Variants in DOCK2 observed in about 807,000 individuals in gnomAD.
DOCK2 encodes the protein dedicator of cytokinesis protein 2.
Under a neutral mutation model 248.9 loss-of-function variants are expected in DOCK2, and 87 were observed. The ratio of observed to expected loss-of-function variants is 0.35; its 90% confidence interval spans 0.29 to 0.42. The LOEUF is 0.42. Among genes scored for constraint, DOCK2 ranks in the 10% least tolerant of loss-of-function variants. The probability of loss-of-function intolerance (pLI) is 1.00; values close to 1 mark genes in which losing one functional copy is unlikely to be tolerated. For missense variants in DOCK2, 1,747 were observed against 2,300.2 expected (o/e 0.76, Z 4.92); for synonymous variants, 805 against 821.6 (o/e 0.98, Z 0.35).
intron 6 of DOCK2, among the ~76,000 whole-genome samples, chr5:169,680,153 A>T (rs28742987): frequency 6.6e-6 from 1 of 152,126 alleles, no homozygotes; most frequent in African/African-American, 2.4e-5. Flanking sequence ...GTGGACAAAG[A>T]TGTATTCTTA....
chr5:170,077,773 T>C lies in DOCK2; in HGVS notation c.4930T>C (p.Ser1644Pro). Residue 1644 changes from serine to proline, a missense_variant, in exon 48 of 52, where the codon TCC becomes CCC. Around this residue, in one of 4 missense-constraint regions of DOCK2, gnomAD observed 513 missense variants for 586.1 expected, o/e 0.88. Coordinates refer to ENST00000520908, the MANE Select transcript of DOCK2 (RefSeq NM_004946.3). ...RSMLRSYRQM[S>P]IISLASMNSD... ...TATGCTGCGCTCATACAGACAGATGTCCATCATCTCTCTGGCTTCCATGAA... is the reference window on the plus strand; with the variant it reads ...TATGCTGCGCTCATACAGACAGATGCCCATCATCTCTCTGGCTTCCATGAA... The C allele has an allele frequency of 1.9e-6, 3 of 1,613,800 alleles. No homozygotes were observed. The East Asian group carries it at 6.7e-5, about 36-fold the overall frequency.
intron 27 of DOCK2, among the ~76,000 whole-genome samples, chr5:169,870,337 A>C (rs1053584904): frequency 6.6e-6 from 1 of 152,182 alleles, no homozygotes; most frequent in Non-Finnish European, 1.5e-5. Context: ...TGGAAGCAGC[A>C]AGAGCCCCAA....
At chr5:170,030,690 G>C (rs1369294068) in intron 34 of DOCK2, among the ~76,000 whole-genome samples, 1 of 152,204 alleles carries the variant, frequency 6.6e-6, no homozygotes, top group Non-Finnish European at 1.5e-5. Context: ...TTTTCACATA[G>C]AGGACAGTCA....
At chr5:170,080,769 G>C (rs766231239) in intron 50 of DOCK2, 1 of 158,414 alleles carries the variant, frequency 6.3e-6, no homozygotes, top group Non-Finnish European at 1.4e-5. Context: ...CAGTGAGGAG[G>C]TTAGAGCACA....
At chr5:169,683,317 C>T (rs530205911) in intron 7 of DOCK2, among the ~76,000 whole-genome samples, 23 of 152,124 alleles carry the variant, frequency 1.5e-4, no homozygotes, top group African/African-American at 4.3e-4. Flanking sequence ...GTAGCTTCGA[C>T]CCCCTGGGCT....
intron 46 of DOCK2, among the ~76,000 whole-genome samples, chr5:170,072,115 A>G (rs76334643): frequency 0.014 from 2,093 of 152,270 alleles, 13 homozygotes; most frequent in Middle Eastern, 0.051. Context: ...TGGTACACAT[A>G]TGCAAAATTT....
chr5:170,063,077 C>T (rs77654766), intron 44 of DOCK2, among the ~76,000 whole-genome samples: 2 of 152,076 alleles, frequency 1.3e-5, no homozygotes, highest in Non-Finnish European at 2.9e-5. Flanking sequence ...ATATTCTAAA[C>T]ACCTTAGCTC....
At chr5:169,914,925 C>T (rs1226939920) in intron 27 of DOCK2, among the ~76,000 whole-genome samples, 1 of 152,224 alleles carries the variant, frequency 6.6e-6, no homozygotes, top group Admixed American at 6.5e-5. Context: ...TTGCTGTGGC[C>T]TCTTCCCACA....
At chr5:169,684,408 T>A in intron 8 of DOCK2, 58 bp downstream of exon 8, 1 of 1,564,728 alleles carries the variant, frequency 6.4e-7, no homozygotes, top group Non-Finnish European at 8.7e-7. Context: ...GCACAGAGCA[T>A]CTTTTCTTTC....
At chr5:169,979,900 A>G (rs1209856145) in intron 27 of DOCK2, among the ~76,000 whole-genome samples, 1 of 152,202 alleles carries the variant, frequency 6.6e-6, no homozygotes, top group African/African-American at 2.4e-5. Context: ...GGGGACTAGA[A>G]TCCCCCTCCC....
chr5:169,983,472 G>T (rs1051367269), intron 28 of DOCK2, among the ~76,000 whole-genome samples: 3 of 152,164 alleles, frequency 2.0e-5, no homozygotes, highest in Non-Finnish European at 4.4e-5. Context: ...GCTAAGAAGG[G>T]GTTGCACGAG....
intron 26 of DOCK2, among the ~76,000 whole-genome samples, chr5:169,806,621 C>T (rs113325883): frequency 6.6e-6 from 1 of 152,218 alleles, no homozygotes; most frequent in Non-Finnish European, 1.5e-5. Context: ...GATTGATCCC[C>T]ACCCTTCGCT....
intron 50 of DOCK2, 87 bp from the exon 51 acceptor site, chr5:170,081,755 C>T (rs1228607146): frequency 1.8e-6 from 2 of 1,108,266 alleles, no homozygotes; most frequent in African/African-American, 1.6e-5. Flanking sequence ...CTGGCTCTGT[C>T]CCCCAGCCCT....
rs550034698 is a variant in DOCK2 at position 169,758,394 on chromosome 5, T to C, written c.2377-1311T>C. Reference sequence around the variant, plus strand: ...TTGGGACCCAGAGGAGGATGCGATATAGGACTTTGGAAACAATTTTCACCC... The same window carrying C: ...TTGGGACCCAGAGGAGGATGCGATACAGGACTTTGGAAACAATTTTCACCC... On this transcript the variant is annotated intron_variant, in intron 23 of 51. Coordinates refer to ENST00000520908, the MANE Select transcript of DOCK2 (RefSeq NM_004946.3). Among the ~76,000 whole-genome samples the C allele has an allele frequency of 5.3e-5, 8 of 152,298 alleles. No individual in the cohort carries two copies. In the South Asian group the frequency reaches 1.7e-3, roughly 32 times the overall value.
At chr5:170,035,194 C>T (rs201337188) in intron 35 of DOCK2, among the ~76,000 whole-genome samples, 7 of 152,312 alleles carry the variant, frequency 4.6e-5, no homozygotes, top group East Asian at 1.9e-4. Flanking sequence ...CTCTGTGATT[C>T]GACCAGGAGA....
chr5:169,671,051 C>T (rs368884854), intron 4 of DOCK2, 27 bp from the exon 5 acceptor site: 6 of 1,604,882 alleles, frequency 3.7e-6, no homozygotes, highest in Admixed American at 3.3e-5. Flanking sequence ...CTCAATTTCA[C>T]ACCACTTTTT....
At chr5:169,657,229 G>A (rs1377758329) in intron 2 of DOCK2, among the ~76,000 whole-genome samples, 1 of 152,092 alleles carries the variant, frequency 6.6e-6, no homozygotes, top group Admixed American at 6.5e-5. Flanking sequence ...GGAGCTGGAG[G>A]GGGTCTGAGA....
At chr5:169,828,369 C>T (rs1247420713) in intron 26 of DOCK2, among the ~76,000 whole-genome samples, 4 of 152,184 alleles carry the variant, frequency 2.6e-5, no homozygotes, top group Non-Finnish European at 5.9e-5. Context: ...TGAATTCTGG[C>T]TGAGGCATAG....
chr5:169,976,478 A>G (rs190086272), intron 27 of DOCK2, among the ~76,000 whole-genome samples: 1 of 152,308 alleles, frequency 6.6e-6, no homozygotes, highest in Admixed American at 6.5e-5. Flanking sequence ...TGATGAATGT[A>G]GGGCCCTGGG....
Sources: allele counts gnomAD v4.1 joint callset (sites outside exome capture counted in the v4.1 genomes callset), GRCh38; gene constraint gnomAD v4.1.1; regional missense constraint gnomAD v4.1.1; transcripts MANE v1.5; gene names NCBI Gene and HGNC (gene_info 2026-07-23, HGNC 2026-07-21).